Variants in ENTPD1 observed in about 807,000 individuals in gnomAD.
ENTPD1 encodes ATP diphosphohydrolase.
Under a neutral mutation model 57.0 loss-of-function variants are expected in ENTPD1, and 33 were observed. The ratio of observed to expected loss-of-function variants is 0.58; its 90% CI spans 0.44 to 0.77. The LOEUF (loss-of-function observed/expected upper bound fraction) is 0.77. Among genes scored for constraint, ENTPD1 ranks in the 30% least tolerant of loss-of-function variants. ENTPD1 has a pLI of 0.00. For missense variants in ENTPD1, 501 were observed against 603.4 expected, an observed-to-expected ratio of 0.83 and a Z score of 1.78; for synonymous variants, 202 against 218.8, an observed-to-expected ratio of 0.92 and a Z score of 0.68.
At chr10:95,716,382 CTGTGGTT>C (rs2097971535) in intron 1 of ENTPD1, among the ~76,000 whole-genome samples, 1 of 152,096 alleles carries the variant, frequency 6.6e-6, no homozygotes, top group African/African-American at 2.4e-5. Flanking sequence ...TCCTGCATTG[CTGTGGTT>C]TGAGTATGGT....
intron 1 of ENTPD1, among the ~76,000 whole-genome samples, chr10:95,748,696 T>A (rs754883353): frequency 2.6e-5 from 4 of 152,254 alleles, no homozygotes; most frequent in Non-Finnish European, 5.9e-5. Flanking sequence ...TCTTTGATTT[T>A]CTTTAAGTTT....
intron 1 of ENTPD1, among the ~76,000 whole-genome samples, chr10:95,766,850 G>A (rs7097489): frequency 0.5 from 76,162 of 151,400 alleles, 19,624 homozygotes; most frequent in Admixed American, 0.6. Context: ...TGTGAATAAC[G>A]GACATCTTAC....
Position 95,758,022 on chromosome 10 carries a change from AAAAAAAAAG to A in ENTPD1, c.16+1769_16+1777del, listed in dbSNP as rs1488643268. 9.0e-5 allele frequency among the ~76,000 whole-genome samples: 13 copies of A among 144,008 alleles called. No homozygotes were observed. In the South Asian group the frequency reaches 2.2e-3, roughly 25 times the overall value. 94.5% of individuals were successfully genotyped at this position (144,008 alleles called of 152,430 possible). A position where few individuals can be genotyped will look rare whatever the true frequency, so the allele number is the denominator to read the frequency against. The stretch of plus-strand genomic sequence containing the variant: ...TGTCTCAAAAAAAAAAAAAAAAAAA[AAAAAAAAAG>A]ATTTGGACTGGATCTGAAACCCTCT... On this transcript the variant is annotated intron_variant, in intron 1 of 9. Coordinates refer to ENST00000371205, the MANE Select transcript of ENTPD1 (RefSeq NM_001776.6).
At chr10:95,727,018 G>A (rs183833455) in intron 1 of ENTPD1, among the ~76,000 whole-genome samples, 19 of 152,224 alleles carry the variant, frequency 1.2e-4, no homozygotes, top group Middle Eastern at 6.8e-3. Context: ...AAGCTCCTTC[G>A]TCAGTGTTTC....
At chr10:95,748,567 T>C (rs921631146) in intron 1 of ENTPD1, among the ~76,000 whole-genome samples, 5 of 152,224 alleles carry the variant, frequency 3.3e-5, no homozygotes, top group Non-Finnish European at 7.3e-5. Context: ...CTGTACATAT[T>C]TCTGTGTGTG....
At chr10:95,822,561 C>G (rs2098357412) in intron 1 of ENTPD1, among the ~76,000 whole-genome samples, 1 of 152,232 alleles carries the variant, frequency 6.6e-6, no homozygotes, top group African/African-American at 2.4e-5. Flanking sequence ...TCCCAAAGTG[C>G]TGGGACTACA....
Position 95,874,874 on chromosome 10 carries a change from A to T in ENTPD1, c.*8491A>T, listed in dbSNP as rs186268614. 6.6e-6 allele frequency among the ~76,000 whole-genome samples: 1 copy of T among 152,378 alleles called. No individual in the cohort carries two copies. The highest frequency in any genetic ancestry group is 1.5e-5 in the Non-Finnish European group (1 of 68,036). ...TGGGGCCTCTACCCTCTGAAGCCAC[A>T]GCCCAAGCTCTATGTTGGCTCCTTT... On this transcript the variant is annotated 3_prime_UTR_variant, in exon 10 of 10. Transcript: ENST00000371205.
upstream of ENTPD1, among the ~76,000 whole-genome samples, chr10:95,707,411 G>A (rs918708783): frequency 6.6e-6 from 1 of 152,220 alleles, no homozygotes; most frequent in Non-Finnish European, 1.5e-5. Flanking sequence ...CCTCCCACTG[G>A]CTCCATGGAG....
At position 95,796,022 on chromosome 10, in the gene ENTPD1, T is replaced by G. The variant is rs534082332; in HGVS notation, c.17-27215T>G. Among the ~76,000 whole-genome samples, 3 of 152,316 alleles carry G rather than the reference T, an allele frequency of 2.0e-5. No individual in the cohort carries two copies. The South Asian group carries it at 6.2e-4, about 32-fold the overall frequency. On this transcript the variant is annotated intron_variant, in intron 1 of 9. Coordinates refer to ENST00000371205, the MANE Select transcript of ENTPD1 (RefSeq NM_001776.6). ...GAAAACATGGAAACTGAAGTTGAGG[T>G]TGCCTGGAAGCTTACTAAAAATAGT...
intron 1 of ENTPD1, among the ~76,000 whole-genome samples, chr10:95,789,330 G>A (rs2098193595): frequency 1.3e-5 from 2 of 152,108 alleles, no homozygotes; most frequent in South Asian, 2.1e-4. Context: ...GAGTTGATAC[G>A]TGGCAAAGTC....
chr10:95,772,711 ACCT>A (rs888830217), intron 1 of ENTPD1, among the ~76,000 whole-genome samples: 20 of 151,954 alleles, frequency 1.3e-4, no homozygotes. Flanking sequence ...TGGTATTTTG[ACCT>A]CCTCCCATGA....
intron 1 of ENTPD1, among the ~76,000 whole-genome samples, chr10:95,712,647 A>G (rs1374745476): frequency 1.3e-5 from 2 of 152,162 alleles, no homozygotes; most frequent in Non-Finnish European, 2.9e-5. Context: ...AGGAGGGCCT[A>G]CCTGGTGCCA....
At chr10:95,716,734 A>T (rs890917149) in intron 1 of ENTPD1, among the ~76,000 whole-genome samples, 1 of 152,212 alleles carries the variant, frequency 6.6e-6, no homozygotes, top group Non-Finnish European at 1.5e-5. Context: ...TAAACTTCCC[A>T]GTCTCCAGAA....
At chr10:95,866,047 G>C in intron 9 of ENTPD1, 130 bp from the exon 10 acceptor site, 1 of 1,300,730 alleles carries the variant, frequency 7.7e-7, no homozygotes, top group South Asian at 1.3e-5. Context: ...TTACAGGCAT[G>C]AGCCACTGTG....
chr10:95,819,165 T>C (rs944459514), intron 1 of ENTPD1, among the ~76,000 whole-genome samples: 1 of 152,054 alleles, frequency 6.6e-6, no homozygotes, highest in African/African-American at 2.4e-5. Context: ...AATTAAATAA[T>C]TTGTTTGTTT....
intron 1 of ENTPD1, among the ~76,000 whole-genome samples, chr10:95,807,477 T>C (rs992788312): frequency 6.6e-6 from 1 of 152,228 alleles, no homozygotes; most frequent in Non-Finnish European, 1.5e-5. Flanking sequence ...GGTGAGGCGA[T>C]GCCCCGCCCT....
At chr10:95,841,820 CAT>C (rs970645757) in intron 3 of ENTPD1, among the ~76,000 whole-genome samples, 17 of 152,168 alleles carry the variant, frequency 1.1e-4, no homozygotes, top group Non-Finnish European at 2.2e-4. Context: ...ACTGAAGAGA[CAT>C]AGATTCTGTT....
chr10:95,726,832 A>G (rs946855946), intron 1 of ENTPD1, among the ~76,000 whole-genome samples: 1 of 152,118 alleles, frequency 6.6e-6, no homozygotes, highest in Non-Finnish European at 1.5e-5. Flanking sequence ...TCATCTCTGC[A>G]CACTGGGTCC....
chr10:95,854,877 T>G (rs1196298806), intron 7 of ENTPD1, among the ~76,000 whole-genome samples: 1 of 152,150 alleles, frequency 6.6e-6, no homozygotes, highest in Non-Finnish European at 1.5e-5. Flanking sequence ...TTGGAATAAG[T>G]GTGGTGTGGC....
Sources: allele counts gnomAD v4.1 joint callset (sites outside exome capture counted in the v4.1 genomes callset), GRCh38; gene constraint gnomAD v4.1.1; transcripts MANE v1.5; gene names NCBI Gene and HGNC (gene_info 2026-07-23, HGNC 2026-07-21).